ITPR2: variants seen among roughly 807,000 people sequenced by gnomAD.
The protein encoded by ITPR2 is inositol 1,4,5-trisphosphate-gated calcium channel ITPR2.
ITPR2 carries 207 observed loss-of-function variants against 317.1 expected under a neutral mutation model. The ratio of observed to expected loss-of-function variants is 0.65; its 90% CI spans 0.58 to 0.73. The LOEUF (loss-of-function observed/expected upper bound fraction) is 0.73. Among genes scored for constraint, ITPR2 ranks in the 30% least tolerant of loss-of-function variants. The pLI is 0.00. For missense variants in ITPR2, 2,613 were observed against 3,284.0 expected (o/e 0.80, Z 4.99); for synonymous variants, 1,156 against 1,149.1 (o/e 1.01, Z -0.12).
chr12:26,449,994 C>T (rs1301971819), intron 45 of ITPR2, among the ~76,000 whole-genome samples: 3 of 152,128 alleles, frequency 2.0e-5, no homozygotes, highest in South Asian at 4.1e-4. Flanking sequence ...GACTAGAGTC[C>T]GTACAAGAAC....
Position 26,724,681 on chromosome 12 carries a change from A to G in ITPR2, c.341T>C (p.Ile114Thr), listed in dbSNP as rs1407509475. 6.3e-7 allele frequency: 1 copy of G among 1,599,694 alleles called. No homozygotes were observed. Among genetic ancestry groups the G allele is most frequent in the South Asian group, 1.1e-5 (1 of 90,432 alleles). The change falls in exon 4 of 57, where the codon ATT becomes ACT. Residue 114 changes from isoleucine (I) to threonine (T), a missense_variant. Ile to Thr is a moderately conservative substitution (Grantham distance 89). Transcript: ENST00000381340. ...ESENKKLLGE[I>T]VKYSNVIQLL... Reference sequence around the variant, plus strand: ...TTGTATAACATTACTGTATTTTACAATTTCTCCCAACAGTTTCTTATTCTC... The same window carrying G: ...TTGTATAACATTACTGTATTTTACAGTTTCTCCCAACAGTTTCTTATTCTC...
intron 26 of ITPR2, among the ~76,000 whole-genome samples, chr12:26,605,571 G>A (rs73292136): frequency 0.015 from 2,236 of 152,206 alleles, 63 homozygotes; most frequent in African/African-American, 0.052. Flanking sequence ...TGAAGCTTTG[G>A]TCGATATCTT....
chr12:26,362,989 G>A (rs1003483554), intron 55 of ITPR2, among the ~76,000 whole-genome samples: 11 of 152,156 alleles, frequency 7.2e-5, no homozygotes, highest in Non-Finnish European at 1.5e-4. Flanking sequence ...GCAGCATCAC[G>A]AGTCACGTAG....
intron 2 of ITPR2, among the ~76,000 whole-genome samples, chr12:26,730,146 A>G (rs1398575001): frequency 2.0e-5 from 3 of 152,198 alleles, no homozygotes; most frequent in East Asian, 1.9e-4. Flanking sequence ...CTTTGTATAC[A>G]CTTCTCAAAT....
chr12:26,811,781 G>C (rs1242479429), intron 1 of ITPR2, among the ~76,000 whole-genome samples: 1 of 150,700 alleles, frequency 6.6e-6, no homozygotes, highest in Non-Finnish European at 1.5e-5. Flanking sequence ...GCGAACCCCG[G>C]AGGCGGAGCT....
intron 49 of ITPR2, among the ~76,000 whole-genome samples, chr12:26,426,628 G>A (rs908155036): frequency 6.6e-6 from 1 of 152,100 alleles, no homozygotes; most frequent in South Asian, 2.1e-4. Flanking sequence ...TATTGACAAT[G>A]ATTGAGGATA....
chr12:26,790,292 A>G, intron 1 of ITPR2, 65 bp from the exon 2 acceptor site: 1 of 1,205,480 alleles, frequency 8.3e-7, no homozygotes, highest in Non-Finnish European at 1.2e-6. Flanking sequence ...CAGACTGCAC[A>G]TGGATATTGC....
intron 2 of ITPR2, among the ~76,000 whole-genome samples, chr12:26,772,731 CT>C (rs919205690): frequency 2.0e-5 from 3 of 149,822 alleles, no homozygotes; most frequent in South Asian, 2.1e-4. Context: ...TATCCAATAT[CT>C]TTTTTTTTCT....
intron 32 of ITPR2, among the ~76,000 whole-genome samples, chr12:26,591,072 T>C (rs1254002635): frequency 7.1e-5 from 6 of 84,924 alleles, no homozygotes; most frequent in Non-Finnish European, 8.3e-5. Context: ...AGAGTGAGAC[T>C]CCATCTCAAA....
At position 26,715,295 on chromosome 12, in the gene ITPR2, A is replaced by T. The variant is rs777710197; in HGVS notation, c.855+4T>A. 3 of 1,606,994 alleles carry T rather than the reference A, an allele frequency of 1.9e-6. No homozygotes were observed. In the East Asian group the frequency reaches 6.7e-5, roughly 36 times the overall value. On this transcript the variant is annotated splice_donor_region_variant and intron_variant, in intron 8 of 56. Coordinates refer to ENST00000381340, the MANE Select transcript of ITPR2 (RefSeq NM_002223.4). ...TTATTAAGTGCCAAAAAACATTTAC[A>T]TACCTCTATTTCCCAGAGTGCTTTA...
At chr12:26,710,651 G>A (rs1948629115) in intron 9 of ITPR2, among the ~76,000 whole-genome samples, 1 of 152,112 alleles carries the variant, frequency 6.6e-6, no homozygotes, top group South Asian at 2.1e-4. Flanking sequence ...ATATCTGTCT[G>A]TCAACATACT....
chr12:26,479,647 G>A (rs556360349), intron 43 of ITPR2, among the ~76,000 whole-genome samples: 31 of 152,302 alleles, frequency 2.0e-4, no homozygotes, highest in African/African-American at 7.2e-4. Flanking sequence ...ACTGAAACAT[G>A]ATGGTAATGA....
chr12:26,628,815 G>A (rs1946682827), intron 22 of ITPR2, among the ~76,000 whole-genome samples: 1 of 152,078 alleles, frequency 6.6e-6, no homozygotes, highest in Non-Finnish European at 1.5e-5. Flanking sequence ...GCCAATAGTC[G>A]AGTTGGGAAA....
chr12:26,597,013 T>C lies in ITPR2; in HGVS notation c.4124A>G (p.His1375Arg), dbSNP rs201696956. The C allele has an allele frequency of 7.4e-6, 12 of 1,613,912 alleles. No individual in the cohort carries two copies. Among genetic ancestry groups the C allele is most frequent in the Non-Finnish European group, 1.0e-5 (12 of 1,179,992 alleles). ...TGCCAGCAACTCCACCAGGGTGATGTGGTAGGCTAAGGGGCCACTCTCATC... is the reference window on the plus strand; with the variant it reads ...TGCCAGCAACTCCACCAGGGTGATGCGGTAGGCTAAGGGGCCACTCTCATC... ...RGDESGPLAYHITLVELLAAC... is the reference protein window; with the variant it reads ...RGDESGPLAYRITLVELLAAC... Residue 1375 changes from histidine to arginine, a missense_variant, in exon 31 of 57, where the codon CAC (histidine) becomes CGC (arginine). Around this residue, in one of 9 missense-constraint regions of ITPR2, gnomAD observed 817 missense variants for 897.6 expected, o/e 0.91. Transcript: ENST00000381340.
intron 1 of ITPR2, among the ~76,000 whole-genome samples, chr12:26,816,972 G>A (rs1368316756): frequency 1.3e-5 from 2 of 152,006 alleles, no homozygotes; most frequent in Non-Finnish European, 2.9e-5. Flanking sequence ...GAGGTCAGGA[G>A]ATCAAGACCA....
intron 46 of ITPR2, 52 bp downstream of exon 46, chr12:26,443,490 AG>A (rs1381323999): frequency 5.0e-5 from 69 of 1,374,922 alleles, no homozygotes; most frequent in Non-Finnish European, 7.0e-5. Flanking sequence ...TAAAATAGGA[AG>A]TAAGCATAAC....
At chr12:26,673,165 A>G (rs1238116152) in intron 13 of ITPR2, among the ~76,000 whole-genome samples, 1 of 152,196 alleles carries the variant, frequency 6.6e-6, no homozygotes, top group Non-Finnish European at 1.5e-5. Flanking sequence ...ATCAATAGAA[A>G]AAGAGGGAAT....
intron 37 of ITPR2, among the ~76,000 whole-genome samples, chr12:26,512,470 C>A (rs1416543463): frequency 6.6e-6 from 1 of 152,186 alleles, no homozygotes; most frequent in South Asian, 2.1e-4. Flanking sequence ...TTTCTCTACC[C>A]ACCCCCCACA....
At chr12:26,680,775 C>T (rs1344892595) in intron 13 of ITPR2, among the ~76,000 whole-genome samples, 1 of 152,094 alleles carries the variant, frequency 6.6e-6, no homozygotes, top group Admixed American at 6.6e-5. Flanking sequence ...TGGTGATGGA[C>T]ATTTGGATGG....
Sources: allele counts gnomAD v4.1 joint callset (sites outside exome capture counted in the v4.1 genomes callset), GRCh38; gene constraint gnomAD v4.1.1; regional missense constraint gnomAD v4.1.1; transcripts MANE v1.5; gene names NCBI Gene and HGNC (gene_info 2026-07-23, HGNC 2026-07-21).